MTM1: variants seen among roughly 807,000 people sequenced by gnomAD.
MTM1 encodes the protein myotubularin 1.
Under a neutral mutation model 52.1 loss-of-function variants are expected in MTM1, and 9 were observed. The observed-to-expected ratio is 0.17, with a 90% CI of 0.10 to 0.30. The LOEUF (loss-of-function observed/expected upper bound fraction) is 0.30, where lower values mean the gene tolerates loss of function less well. Among genes scored for constraint, MTM1 ranks in the 10% least tolerant of loss-of-function variants. The pLI is 1.00. For missense variants in MTM1, 277 were observed against 470.7 expected, an observed-to-expected ratio of 0.59 and a Z score of 3.81; for synonymous variants, 136 against 163.8, an observed-to-expected ratio of 0.83 and a Z score of 1.29.
At position 150,619,104 on chromosome X, in the gene MTM1, C is replaced by A; in HGVS notation, c.409C>A (p.Leu137Ile). The change falls in exon 6 of 15, where the codon CTC (leucine) becomes ATC (isoleucine). Residue 137 changes from leucine to isoleucine, a missense_variant. Coordinates refer to ENST00000370396, the MANE Select transcript of MTM1 (RefSeq NM_000252.3). ...GHSRRDMFEI[L>I]TRYAFPLAHS... ...CAGCAGAAGAGATATGTTTGAGATC[C>A]TCACGAGATACGCGTTTCCCCTGGC... 8.3e-7 allele frequency: 1 copy of A among 1,209,498 alleles called. No homozygotes were observed. Among genetic ancestry groups the A allele is most frequent in the Non-Finnish European group, 1.1e-6 (1 of 893,676 alleles).
At chrX:150,609,999 C>T (rs894454726) in intron 4 of MTM1, among the ~76,000 whole-genome samples, 2 of 111,791 alleles carry the variant, frequency 1.8e-5, no homozygotes, top group African/African-American at 6.5e-5. Flanking sequence ...TTCCCATCAC[C>T]GTTGCTGAAA....
At chrX:150,640,893 T>C (rs1569565496) in intron 7 of MTM1, among the ~76,000 whole-genome samples, 2 of 110,696 alleles carry the variant, frequency 1.8e-5, no homozygotes, top group Non-Finnish European at 3.8e-5. Context: ...TAGAGCCAGA[T>C]TAAGATGAAG....
chrX:150,662,749 C>T (rs2040242757), intron 13 of MTM1, among the ~76,000 whole-genome samples: 1 of 101,930 alleles, frequency 9.8e-6, no homozygotes, highest in East Asian at 2.9e-4. Context: ...AATTTTAATT[C>T]TTGTATTTTT....
intron 5 of MTM1, among the ~76,000 whole-genome samples, chrX:150,616,156 T>A (rs2039381566): frequency 9.0e-6 from 1 of 111,609 alleles, no homozygotes; most frequent in African/African-American, 3.3e-5. Context: ...ACAAAGCACA[T>A]TTTCACCCTT....
chrX:150,621,522 C>A (rs1172514094), intron 6 of MTM1, among the ~76,000 whole-genome samples: 2 of 109,094 alleles, frequency 1.8e-5, no homozygotes, highest in African/African-American at 6.7e-5. Flanking sequence ...AAAAAACAAA[C>A]CCCCAGTTAC....
chrX:150,643,997 A>G (rs1028007400), intron 8 of MTM1, among the ~76,000 whole-genome samples: 1 of 111,137 alleles, frequency 9.0e-6, no homozygotes, highest in African/African-American at 3.3e-5. Context: ...GAAACAACTC[A>G]GAGGAGTAGC....
intron 4 of MTM1, among the ~76,000 whole-genome samples, chrX:150,601,989 A>G (rs1401667845): frequency 4.5e-5 from 5 of 111,496 alleles, no homozygotes; most frequent in Admixed American, 3.8e-4. Flanking sequence ...AGAAGCTGCT[A>G]GTCATCCTTC....
intron 6 of MTM1, among the ~76,000 whole-genome samples, chrX:150,629,068 T>C (rs964123705): frequency 9.0e-5 from 10 of 111,364 alleles, no homozygotes; most frequent in African/African-American, 2.9e-4. Flanking sequence ...TTCTAAACTG[T>C]TGGAACATTG....
chrX:150,609,215 A>G (rs1174436662), intron 4 of MTM1, among the ~76,000 whole-genome samples: 2 of 111,354 alleles, frequency 1.8e-5, no homozygotes, highest in African/African-American at 6.5e-5. Context: ...GAATGATAAC[A>G]TCAGATGTGC....
At chrX:150,609,882 A>G (rs1557412934) in intron 4 of MTM1, among the ~76,000 whole-genome samples, 1 of 111,848 alleles carries the variant, frequency 8.9e-6, no homozygotes, top group Non-Finnish European at 1.9e-5. Context: ...CAGTGCTGCC[A>G]GATGAATCTT....
chrX:150,657,438 C>T (rs1340878818), intron 10 of MTM1, among the ~76,000 whole-genome samples: 1 of 98,160 alleles, frequency 1.0e-5, no homozygotes, highest in Non-Finnish European at 2.0e-5. Context: ...AACATTTGGA[C>T]ACAGGAAGGG....
chrX:150,657,642 A>C (rs2040144459), intron 10 of MTM1, among the ~76,000 whole-genome samples, 179 bp from the exon 11 acceptor site: 1 of 111,455 alleles, frequency 9.0e-6, no homozygotes, highest in African/African-American at 3.3e-5. Context: ...AGAAAAGAAA[A>C]CAAATGCAGC....
chrX:150,648,921 A>G (rs2039976540), intron 9 of MTM1, among the ~76,000 whole-genome samples: 1 of 112,551 alleles, frequency 8.9e-6, no homozygotes, highest in East Asian at 2.8e-4. Context: ...CTTATTACCT[A>G]TGTGACTTAG....
chrX:150,626,935 C>T (rs928200385), intron 6 of MTM1, among the ~76,000 whole-genome samples: 5 of 111,273 alleles, frequency 4.5e-5, no homozygotes, highest in African/African-American at 6.5e-5. Context: ...TTCCTGCCTC[C>T]TCTAAGACTT....
chrX:150,597,393 G>T (rs1263224771), intron 3 of MTM1, among the ~76,000 whole-genome samples: 2 of 111,976 alleles, frequency 1.8e-5, no homozygotes, highest in Non-Finnish European at 3.8e-5. Context: ...ACACATTCTA[G>T]TCTTGAAATG....
intron 1 of MTM1, among the ~76,000 whole-genome samples, chrX:150,589,641 C>T (rs2038848764): frequency 9.0e-6 from 1 of 110,716 alleles, no homozygotes; most frequent in South Asian, 3.8e-4. Context: ...TATGGATGAG[C>T]TTTCTTTGCT....
intron 1 of MTM1, among the ~76,000 whole-genome samples, chrX:150,570,848 G>T (rs1557411431): frequency 8.9e-6 from 1 of 112,229 alleles, no homozygotes; most frequent in African/African-American, 3.2e-5. Flanking sequence ...CTAATAAAAT[G>T]GCATTAATGA....
intron 8 of MTM1, 105 bp from the exon 9 acceptor site, chrX:150,645,578 A>G: frequency 1.3e-6 from 1 of 747,508 alleles, no homozygotes; most frequent in Non-Finnish European, 2.1e-6. Flanking sequence ...TAGCACAATC[A>G]GATTCACTTC....
At chrX:150,584,979 G>T (rs1255807139) in intron 1 of MTM1, among the ~76,000 whole-genome samples, 1 of 109,967 alleles carries the variant, frequency 9.1e-6, no homozygotes, top group Non-Finnish European at 1.9e-5. Flanking sequence ...TTTTTGATCC[G>T]CAGTTGGTTG....
Sources: allele counts gnomAD v4.1 joint callset (sites outside exome capture counted in the v4.1 genomes callset), GRCh38; gene constraint gnomAD v4.1.1; transcripts MANE v1.5; gene names NCBI Gene and HGNC (gene_info 2026-07-23, HGNC 2026-07-21).